Variants in TRPM6 observed in about 807,000 individuals in gnomAD.
TRPM6 encodes channel kinase 2.
TRPM6 carries 111 observed loss-of-function variants against 247.6 expected under a neutral mutation model. The ratio of observed to expected loss-of-function variants is 0.45; its 90% confidence interval spans 0.38 to 0.52. TRPM6 has a LOEUF of 0.52. Among genes scored for constraint, TRPM6 ranks in the 20% least tolerant of loss-of-function variants. The probability of loss-of-function intolerance (pLI) is 0.00; values close to 1 mark genes in which losing one functional copy is unlikely to be tolerated. For synonymous variants in TRPM6, 892 were observed against 853.8 expected, an observed-to-expected ratio of 1.04 and a Z score of -0.78; for missense variants, 2,126 against 2,421.5, an observed-to-expected ratio of 0.88 and a Z score of 2.56.
At chr9:74,733,707 T>A (rs1825600334) in intron 36 of TRPM6, among the ~76,000 whole-genome samples, 1 of 152,140 alleles carries the variant, frequency 6.6e-6, no homozygotes, top group African/African-American at 2.4e-5. Context: ...TACAGGCATG[T>A]GCCACCATGC....
At chr9:74,874,719 AGAATGTGTCACTC>A (rs1831136682) in intron 1 of TRPM6, among the ~76,000 whole-genome samples, 1 of 152,006 alleles carries the variant, frequency 6.6e-6, no homozygotes, top group Admixed American at 6.6e-5. Flanking sequence ...TTTTTTTTTA[AGAATGTGTCACTC>A]AAATGCTCAT....
At position 74,794,712 on chromosome 9, in the gene TRPM6, C is replaced by T. The variant is rs144743998; in HGVS notation, c.2392-1942G>A. On this transcript the variant is annotated intron_variant, in intron 18 of 38. Coordinates refer to ENST00000360774, the MANE Select transcript of TRPM6 (RefSeq NM_017662.5). Reference sequence around the variant, plus strand: ...TTGGAGTGAATTATAAAGTGCTGATCGGGCCTGTCTCTGAGTTGAATTCAA... The same window carrying T: ...TTGGAGTGAATTATAAAGTGCTGATTGGGCCTGTCTCTGAGTTGAATTCAA... Among the ~76,000 whole-genome samples the T allele has an allele frequency of 7.8e-4, 119 of 152,122 alleles. 2 individuals carry two copies. The East Asian group carries it at 0.016, about 20-fold the overall frequency.
chr9:74,728,155 C>A (rs563617053), intron 38 of TRPM6, 84 bp downstream of exon 38: 2 of 1,087,496 alleles, frequency 1.8e-6, no homozygotes, highest in South Asian at 2.6e-5. Context: ...AATGTGATTA[C>A]GATTTTCTAC....
intron 32 of TRPM6, 102 bp downstream of exon 32, chr9:74,743,993 G>T (rs140493587): frequency 3.4e-6 from 4 of 1,165,838 alleles, no homozygotes; most frequent in Non-Finnish European, 5.1e-6. Context: ...TTCAAGTCGC[G>T]AGCCATGTCA....
intron 14 of TRPM6, 31 bp from the exon 15 acceptor site, chr9:74,803,917 T>C: frequency 7.8e-7 from 1 of 1,281,114 alleles, no homozygotes. Flanking sequence ...AGCTGGTCAC[T>C]CTCTGGCACG....
chr9:74,843,167 T>G (rs930120505), intron 3 of TRPM6, among the ~76,000 whole-genome samples: 1 of 152,212 alleles, frequency 6.6e-6, no homozygotes, highest in African/African-American at 2.4e-5. Context: ...TCTTTATTCA[T>G]CCATAAGAAG....
rs747437034 is a variant in TRPM6 at position 74,788,759 on chromosome 9, C to T, written c.2539-17G>A. 1 of 1,612,960 alleles carries T rather than the reference C, an allele frequency of 6.2e-7. No homozygotes were observed. Among genetic ancestry groups the T allele is most frequent in the South Asian group, 1.1e-5 (1 of 90,978 alleles). On this transcript the variant is annotated splice_polypyrimidine_tract_variant and intron_variant, in intron 19 of 38. Coordinates refer to ENST00000360774, the MANE Select transcript of TRPM6 (RefSeq NM_017662.5). Reference sequence around the variant, plus strand: ...ATACGCCATCTGTGAGGGGGACACACATTCCCCAGATGTGAGTGAGAGCAA... The same window carrying T: ...ATACGCCATCTGTGAGGGGGACACATATTCCCCAGATGTGAGTGAGAGCAA...
chr9:74,752,335 G>T lies in TRPM6; in HGVS notation c.4940C>A (p.Thr1647Asn). 2 of 1,598,730 alleles carry T rather than the reference G, an allele frequency of 1.3e-6. No individual in the cohort carries two copies. Among genetic ancestry groups the T allele is most frequent in the Non-Finnish European group, 8.6e-7 (1 of 1,169,538 alleles). Residue 1647 changes from threonine to asparagine, a missense_variant, in exon 29 of 39, where the codon ACT (threonine) becomes AAT (asparagine). Thr to Asn is a moderately conservative substitution (Grantham distance 65). Transcript: ENST00000360774. ...TATAGCACATTGTCCAATTTCTTTA[G>T]TTTTCATTTTCTGATGTATGTAAGG... Reference protein sequence around the residue: ...VEPYIHQKMKTKEIGQCAIQI... With the variant: ...VEPYIHQKMKNKEIGQCAIQI...
intron 29 of TRPM6, 21 bp from the exon 30 acceptor site, chr9:74,750,743 G>A (rs376415286): frequency 1.2e-5 from 20 of 1,612,744 alleles, no homozygotes; most frequent in Admixed American, 1.7e-5. Flanking sequence ...GGGAAAGGCC[G>A]TTACGTGTGT....
rs57338419 is a variant in TRPM6 at position 74,856,467 on chromosome 9, CTGTG to C, written c.114-906_114-903del. Among the ~76,000 whole-genome samples the C allele has an allele frequency of 7.4e-4, 110 of 147,824 alleles. 1 individual carries two copies. The highest frequency in any genetic ancestry group is 1.5e-3 in the Non-Finnish European group (97 of 66,762). On this transcript the variant is annotated intron_variant, in intron 2 of 38. Coordinates refer to ENST00000360774, the MANE Select transcript of TRPM6 (RefSeq NM_017662.5). ...AATATGTGTGTGTGTGTGTGTGTGT[CTGTG>C]TGTGTGTGTGTGTGTGTGAAGAAGT...
At chr9:74,770,069 G>A (rs1826979536) in intron 25 of TRPM6, among the ~76,000 whole-genome samples, 1 of 152,144 alleles carries the variant, frequency 6.6e-6, no homozygotes, top group African/African-American at 2.4e-5. Context: ...CTCAATCTTT[G>A]ATATTCAATT....
chr9:74,802,486 G>C (rs1828379737), intron 15 of TRPM6, among the ~76,000 whole-genome samples: 1 of 152,136 alleles, frequency 6.6e-6, no homozygotes, highest in South Asian at 2.1e-4. Flanking sequence ...TGGGTAGGGG[G>C]AGACATAACA....
intron 21 of TRPM6, among the ~76,000 whole-genome samples, chr9:74,784,227 C>A (rs1827565504): frequency 6.7e-6 from 1 of 148,548 alleles, no homozygotes; most frequent in Non-Finnish European, 1.5e-5. Flanking sequence ...TGCGCCACTG[C>A]ACTCCAGCCT....
chr9:74,785,268 C>G (rs183534175), intron 21 of TRPM6, among the ~76,000 whole-genome samples: 1 of 152,128 alleles, frequency 6.6e-6, no homozygotes, highest in Non-Finnish European at 1.5e-5. Flanking sequence ...CAGTTCAAAT[C>G]TAGCCTGCAC....
rs1827406807 is a variant in TRPM6, at chr9:74,780,694, G to A, written c.3209+1668C>T. Among the ~76,000 whole-genome samples the A allele has an allele frequency of 2.0e-5, 3 of 152,156 alleles. No individual in the cohort carries two copies. The South Asian group carries it at 6.2e-4, about 32-fold the overall frequency. ...ATTAGAGGCTCTGTGGTAACAGTGG[G>A]GTAGTGAGAGGTCATTAAATCAGTT... On this transcript the variant is annotated intron_variant, in intron 23 of 38. Transcript: ENST00000360774.
chr9:74,837,479 G>A (rs1259032657), intron 5 of TRPM6, among the ~76,000 whole-genome samples: 2 of 151,472 alleles, frequency 1.3e-5, no homozygotes, highest in African/African-American at 4.8e-5. Context: ...ACGGAGTCTC[G>A]CTCGTCGCCC....
Position 74,801,948 on chromosome 9 carries a change from C to A in TRPM6, c.1959G>T (p.Lys653Asn), listed in dbSNP as rs553896639. Residue 653 changes from lysine to asparagine, a missense_variant, in exon 16 of 39, where the codon AAG becomes AAT. By Grantham distance (94) the Lys-to-Asn change is moderately conservative. This residue lies in a region of TRPM6 where 1,082 missense variants were observed against 1,307.9 expected (regional missense o/e 0.83). Transcript: ENST00000360774. ...ILYRAMAHEA[K>N]ESHMVDDASE... is the part of the protein sequence containing the mutation. ...AGGCATCATCCACCATGTGACTCTC[C>A]TTAGCTTCATGGGCCATTGCCCGGT... 4.5e-5 allele frequency: 73 copies of A among 1,614,224 alleles called. 2 individuals are homozygous for A. In the South Asian group the frequency reaches 7.8e-4, roughly 17 times the overall value.
At chr9:74,866,459 T>C in intron 1 of TRPM6, among the ~76,000 whole-genome samples, 1 of 152,048 alleles carries the variant, frequency 6.6e-6, no homozygotes. Flanking sequence ...TAGGTTTGAT[T>C]TTTTTGGGGG....
chr9:74,750,830 C>A, intron 29 of TRPM6, 108 bp from the exon 30 acceptor site: 1 of 968,326 alleles, frequency 1.0e-6, no homozygotes, highest in Non-Finnish European at 1.7e-6. Flanking sequence ...CTTTTTTCTT[C>A]ATCTACCTGA....
Sources: gnomAD v4.1 joint callset for allele counts (sites outside exome capture counted in the v4.1 genomes callset) on GRCh38, gnomAD v4.1.1 for gene constraint, gnomAD v4.1.1 regional missense constraint, MANE v1.5 for transcripts, NCBI Gene and HGNC (gene_info 2026-07-23, HGNC 2026-07-21) for gene names.